Variants in SLC6A14 observed in about 807,000 individuals in gnomAD.
SLC6A14 encodes the protein sodium- and chloride-dependent neutral and basic amino acid transporter B(0+).
SLC6A14 carries 21 observed loss-of-function variants against 51.4 expected under a neutral mutation model. The observed-to-expected ratio is 0.41, with a 90% CI of 0.29 to 0.59. The LOEUF is 0.59. SLC6A14 is among the 20% of genes least tolerant of loss of function. The pLI is 0.31. For missense variants in SLC6A14, 371 were observed against 472.8 expected (o/e 0.78, Z 2.00); for synonymous variants, 177 against 160.7 (o/e 1.10, Z -0.77).
intron 11 of SLC6A14, 94 bp from the exon 12 acceptor site, chrX:116,455,263 G>T: frequency 2.6e-6 from 2 of 763,800 alleles, no homozygotes; most frequent in South Asian, 2.4e-5. Context: ...TTGTGGTAGA[G>T]AAAAATGTTT....
chrX:116,454,465 A>G, intron 10 of SLC6A14, 23 bp downstream of exon 10: 1 of 888,291 alleles, frequency 1.1e-6, no homozygotes, highest in Non-Finnish European at 1.6e-6. Flanking sequence ...ATTTTTTTTC[A>G]TAGAAACATA....
intron 13 of SLC6A14, among the ~76,000 whole-genome samples, chrX:116,458,491 T>G (rs1927976268): frequency 9.0e-6 from 1 of 111,602 alleles, no homozygotes; most frequent in Non-Finnish European, 1.9e-5. Context: ...AATGTCTGAT[T>G]CAGTGAAGGT....
chrX:116,439,205 T>C (rs1336823905), intron 2 of SLC6A14, among the ~76,000 whole-genome samples: 1 of 111,673 alleles, frequency 9.0e-6, no homozygotes, highest in African/African-American at 3.2e-5. Flanking sequence ...CTAGTTTTAA[T>C]AGAAACTTTT....
Position 116,458,700 on chromosome X carries a change from T to G in SLC6A14, c.1783-109T>G, listed in dbSNP as rs782658732. ...TTAGTTTTCTATGATGCTTATTTTT[T>G]GTTAGTAGAGAAAAAATAATTTAAA... On this transcript the variant is annotated intron_variant, in intron 13 of 13. Transcript: ENST00000598581. 14 of 688,526 alleles carry G rather than the reference T, an allele frequency of 2.0e-5. No individual in the cohort carries two copies. In the South Asian group the frequency reaches 2.2e-4, roughly 11 times the overall value. 56.7% of individuals were successfully genotyped at this position (688,526 alleles called of 1,213,427 possible). A position where few individuals can be genotyped will look rare whatever the true frequency, so the allele number is the denominator to read the frequency against.
chrX:116,454,386 A>C lies in SLC6A14; in HGVS notation c.1348A>C (p.Ile450Leu), dbSNP rs782539436. ...AGTGATGAAGAAAATGAGGGTTCCCATAACTTTGGGCTGCTGCTTGGTTTT... is the reference window on the plus strand; with the variant it reads ...AGTGATGAAGAAAATGAGGGTTCCCCTAACTTTGGGCTGCTGCTTGGTTTT... ...PKVMKKMRVP[I>L]TLGCCLVLFL... Residue 450 changes from isoleucine to leucine, a missense_variant, in exon 10 of 14, where the codon ATA becomes CTA. Ile to Leu is a conservative substitution (Grantham distance 5). This residue lies in a region of SLC6A14 where 277 missense variants were observed against 391.8 expected (regional missense o/e 0.71). Coordinates refer to ENST00000598581, the MANE Select transcript of SLC6A14 (RefSeq NM_007231.5). 14 of 1,205,996 alleles carry C rather than the reference A, an allele frequency of 1.2e-5. No individual in the cohort carries two copies. The highest frequency in any genetic ancestry group is 1.6e-5 in the Non-Finnish European group (14 of 891,921).
At chrX:116,439,656 A>G (rs1476217004) in intron 2 of SLC6A14, among the ~76,000 whole-genome samples, 5 of 111,256 alleles carry the variant, frequency 4.5e-5, no homozygotes, top group African/African-American at 1.6e-4. Context: ...TGAAGAAAAT[A>G]ATCTTTTTTA....
chrX:116,437,446 C>A (rs1556693358), intron 1 of SLC6A14, among the ~76,000 whole-genome samples: 1 of 111,625 alleles, frequency 9.0e-6, no homozygotes, highest in East Asian at 2.8e-4. Context: ...TTCCCTCACA[C>A]CAGTGTGACA....
chrX:116,455,375 A>C lies in SLC6A14; in HGVS notation c.1523A>C (p.Glu508Ala), dbSNP rs781883971. 8.3e-7 allele frequency: 1 copy of C among 1,204,501 alleles called. No individual in the cohort carries two copies. The highest frequency in any genetic ancestry group is 1.8e-5 in the South Asian group (1 of 56,727). ...IWIYGGNRFI[E>A]DTEMMIGAKR... is the part of the protein sequence containing the mutation. ...TCTTTAGGAGGGAACAGATTCATTG[A>C]GGATACAGAAATGATGATTGGAGCA... The change falls in exon 12 of 14, where the codon GAG becomes GCG. Residue 508 changes from glutamate (E) to alanine (A), a missense_variant. By Grantham distance (107) the Glu-to-Ala change is moderately radical. This residue lies in a region of SLC6A14 where 277 missense variants were observed against 391.8 expected (regional missense o/e 0.71). Transcript: ENST00000598581.
At chrX:116,441,136 C>A in intron 3 of SLC6A14, 39 bp downstream of exon 3, 1 of 1,178,512 alleles carries the variant, frequency 8.5e-7, no homozygotes, top group African/African-American at 1.8e-5. Flanking sequence ...AAAGCATTTT[C>A]TTCACCATGC....
Position 116,441,075 on chromosome X carries a change from G to A in SLC6A14, c.324G>A (p.Trp108Ter). ...QFASLGPVSV[W>*]RILPLFQGVG... ...CTAGCTTAGGTCCAGTTTCAGTTTG[G>A]AGGATTCTTCCATTGTTTCAAGGTT... Residue 108 changes from tryptophan to a stop codon, truncating the protein, a stop_gained, in exon 3 of 14, where the codon TGG becomes TGA. Coordinates refer to ENST00000598581, the MANE Select transcript of SLC6A14 (RefSeq NM_007231.5). LOFTEE classifies it high-confidence loss of function. 8.3e-7 allele frequency: 1 copy of A among 1,210,650 alleles called. No individual in the cohort carries two copies. Among genetic ancestry groups the A allele is most frequent in the Non-Finnish European group, 1.1e-6 (1 of 894,749 alleles).
chrX:116,446,137 A>C (rs12720082), intron 6 of SLC6A14, among the ~76,000 whole-genome samples: 27 of 80,996 alleles, frequency 3.3e-4, no homozygotes, highest in Admixed American at 8.8e-4. Flanking sequence ...CATCCTCATT[A>C]AGGCAAAGCT....
intron 13 of SLC6A14, 31 bp downstream of exon 13, chrX:116,457,807 A>T (rs782664965): frequency 1.9e-6 from 2 of 1,031,182 alleles, no homozygotes; most frequent in Admixed American, 2.3e-5. Flanking sequence ...TATACTTTAC[A>T]CAAAGTAGTT....
chrX:116,455,253 T>C (rs781926391), intron 11 of SLC6A14, 104 bp from the exon 12 acceptor site: 133 of 701,692 alleles, frequency 1.9e-4, no homozygotes, highest in Non-Finnish European at 2.5e-4. Flanking sequence ...TGATTCATTG[T>C]TGTGGTAGAG....
chrX:116,453,854 T>G (rs4824325), intron 9 of SLC6A14, among the ~76,000 whole-genome samples: 34,913 of 110,064 alleles, frequency 0.32, 4,650 homozygotes, highest in East Asian at 0.42. Flanking sequence ...ACTTTTCTGG[T>G]TGACTTTCAA....
chrX:116,438,518 T>C (rs1423646664), intron 2 of SLC6A14, among the ~76,000 whole-genome samples: 1 of 112,251 alleles, frequency 8.9e-6, no homozygotes, highest in Non-Finnish European at 1.9e-5. Flanking sequence ...TAGAAGATCC[T>C]TCTAAAATGA....
At chrX:116,447,401 C>G (rs1416572383) in intron 7 of SLC6A14, among the ~76,000 whole-genome samples, 2 of 111,715 alleles carry the variant, frequency 1.8e-5, no homozygotes, top group Non-Finnish European at 3.8e-5. Flanking sequence ...AAAATTGTTA[C>G]TTATACCAAA....
intron 1 of SLC6A14, among the ~76,000 whole-genome samples, chrX:116,436,976 G>A (rs1404028613): frequency 9.0e-6 from 1 of 111,381 alleles, no homozygotes; most frequent in Non-Finnish European, 1.9e-5. Context: ...CTCTGCCTTG[G>A]GAGTACCCAC....
chrX:116,445,195 C>T, intron 6 of SLC6A14, 145 bp downstream of exon 6: 4 of 545,110 alleles, frequency 7.3e-6, no homozygotes, highest in Non-Finnish European at 8.2e-6. Context: ...TGATTTTAAG[C>T]TCTAAGTAAA....
In SLC6A14 at chrX:116,436,619, A is replaced by G; in HGVS notation, c.-91A>G. On this transcript the variant is annotated 5_prime_UTR_variant, in exon 1 of 14. Coordinates refer to ENST00000598581, the MANE Select transcript of SLC6A14 (RefSeq NM_007231.5). Reference sequence around the variant, plus strand: ...CCTGGGCAAGGTGGCTCACTCTGGCAGGTAGGAACAGGGGAGAGTGCACCT... The same window carrying G: ...CCTGGGCAAGGTGGCTCACTCTGGCGGGTAGGAACAGGGGAGAGTGCACCT... 2.1e-6 allele frequency: 2 copies of G among 949,958 alleles called. No homozygotes were observed. Among genetic ancestry groups the G allele is most frequent in the Non-Finnish European group, 2.9e-6 (2 of 699,605 alleles). 78.3% of individuals were successfully genotyped at this position (949,958 alleles called of 1,213,427 possible).
Sources: gnomAD v4.1 joint callset for allele counts (sites outside exome capture counted in the v4.1 genomes callset) on GRCh38, gnomAD v4.1.1 for gene constraint, gnomAD v4.1.1 regional missense constraint, MANE v1.5 for transcripts, NCBI Gene and HGNC (gene_info 2026-07-23, HGNC 2026-07-21) for gene names.